The following ERCC6 variants were observed in gnomAD, a reference collection of about 807,000 sequenced individuals.
ERCC6 encodes the protein DNA excision repair protein ERCC-6.
ERCC6 carries 116 observed loss-of-function variants against 158.7 expected under a neutral mutation model. That is an observed-to-expected ratio of 0.73 (90% confidence interval 0.63 to 0.85). ERCC6 has a LOEUF of 0.85. ERCC6 is among the 40% of genes least tolerant of loss of function. ERCC6 has a pLI of 0.00. For missense variants in ERCC6, 1,698 were observed against 1,799.4 expected (o/e 0.94, Z 1.02); for synonymous variants, 678 against 659.3 (o/e 1.03, Z -0.43).
At chr10:49,523,972 T>G in intron 5 of ERCC6, 61 bp downstream of exon 5, 1 of 1,602,384 alleles carries the variant, frequency 6.2e-7, no homozygotes, top group Non-Finnish European at 8.5e-7. Context: ...TACATATTAA[T>G]AAACCTGTCA....
chr10:49,533,738 G>A (rs1400259623), intron 1 of ERCC6, among the ~76,000 whole-genome samples: 4 of 152,214 alleles, frequency 2.6e-5, no homozygotes, highest in Admixed American at 2.6e-4. Flanking sequence ...GGGAGATGGA[G>A]GCTGCAGTGA....
intron 5 of ERCC6, among the ~76,000 whole-genome samples, chr10:49,509,042 C>T (rs1431198949): frequency 6.6e-6 from 1 of 152,154 alleles, no homozygotes; most frequent in Admixed American, 6.5e-5. Context: ...CAGGCCCAGG[C>T]ACAAAAGTCT....
intron 2 of ERCC6, among the ~76,000 whole-genome samples, chr10:49,532,327 T>C (rs1408556646): frequency 6.6e-6 from 1 of 152,160 alleles, no homozygotes; most frequent in East Asian, 1.9e-4. Context: ...TTTCACGAGC[T>C]GGACAGAGAC....
intron 18 of ERCC6, among the ~76,000 whole-genome samples, chr10:49,467,562 G>A (rs1236936259): frequency 1.3e-5 from 2 of 151,892 alleles, no homozygotes; most frequent in African/African-American, 2.4e-5. Context: ...AAAAAATTGG[G>A]TTATACATTT....
chr10:49,493,170 GCCA>G lies in ERCC6; in HGVS notation c.1765_1767del (p.Trp589del), dbSNP rs760919459. 6.2e-6 allele frequency: 10 copies of G among 1,614,066 alleles called. No individual in the cohort carries two copies. The highest frequency in any genetic ancestry group is 5.9e-6 in the Non-Finnish European group (7 of 1,179,992). ...TGTAGAATTGCCACTCTGAACGGAG[GCCA>G]CCACGTGTGAAATTCCTTCACCCAC... On this transcript the variant is annotated inframe_deletion, in exon 8 of 21. Coordinates refer to ENST00000355832, the MANE Select transcript of ERCC6 (RefSeq NM_000124.4).
chr10:49,469,358 T>C (rs1850731865), intron 18 of ERCC6, among the ~76,000 whole-genome samples: 1 of 152,194 alleles, frequency 6.6e-6, no homozygotes, highest in Non-Finnish European at 1.5e-5. Context: ...CGGTATCACC[T>C]CTGTGGCATT....
At chr10:49,467,631 T>C (rs1850700743) in intron 18 of ERCC6, among the ~76,000 whole-genome samples, 1 of 152,142 alleles carries the variant, frequency 6.6e-6, no homozygotes, top group Admixed American at 6.5e-5. Context: ...AGTGGCATGA[T>C]CACAGCTCAC....
At position 49,472,935 on chromosome 10, in the gene ERCC6, CTGGGTCATAGA is replaced by C. The variant is rs751623760; in HGVS notation, c.2792_2802del (p.Ile931ArgfsTer35). ...TGCGTGTCCGTGCTTGGGTTCCAGT[CTGGGTCATAGA>C]TGACAACTCTGTTTGCCCCCGTCAG... On this transcript the variant is annotated frameshift_variant, in exon 15 of 21. Coordinates refer to ENST00000355832, the MANE Select transcript of ERCC6 (RefSeq NM_000124.4). LOFTEE classifies it high-confidence loss of function. 11 of 1,613,898 alleles carry C rather than the reference CTGGGTCATAGA, an allele frequency of 6.8e-6. No homozygotes were observed. Among genetic ancestry groups the C allele is most frequent in the Non-Finnish European group, 8.5e-6 (10 of 1,179,952 alleles).
chr10:49,453,576 T>G (rs1234178445), downstream of ERCC6, among the ~76,000 whole-genome samples: 2 of 152,176 alleles, frequency 1.3e-5, no homozygotes, highest in African/African-American at 4.8e-5. Context: ...AAATATGCAT[T>G]TATGTGACTT....
chr10:49,493,961 CA>C (rs1307927912), intron 7 of ERCC6, among the ~76,000 whole-genome samples: 2 of 152,354 alleles, frequency 1.3e-5, no homozygotes, highest in Middle Eastern at 3.4e-3. Context: ...AGTTCGGCAG[CA>C]AAATCAAGAG....
At chr10:49,472,873 C>G in intron 15 of ERCC6, 36 bp downstream of exon 15, 1 of 1,604,102 alleles carries the variant, frequency 6.2e-7, no homozygotes, top group Non-Finnish European at 8.5e-7. Flanking sequence ...TATATTTCTA[C>G]TAATACATTC....
At chr10:49,526,154 T>C (rs1384821928) in intron 4 of ERCC6, among the ~76,000 whole-genome samples, 1 of 109,944 alleles carries the variant, frequency 9.1e-6, no homozygotes, top group Non-Finnish European at 1.9e-5. Context: ...TATATATATA[T>C]ATATATATCT....
chr10:49,539,101 T>G lies in ERCC6; in HGVS notation c.-154A>C, dbSNP rs544466390. On this transcript the variant is annotated 5_prime_UTR_variant, in exon 1 of 21. Coordinates refer to ENST00000355832, the MANE Select transcript of ERCC6 (RefSeq NM_000124.4). ...CCCCAACAGCGACTCCGACTTCTGCTGGTGCGGGGAGGCCCGTGGCGCATG... is the reference window on the plus strand; with the variant it reads ...CCCCAACAGCGACTCCGACTTCTGCGGGTGCGGGGAGGCCCGTGGCGCATG... 6.6e-6 allele frequency: 1 copy of G among 152,398 alleles called. No individual in the cohort carries two copies. The highest frequency in any genetic ancestry group is 2.4e-5 in the African/African-American group (1 of 41,560). The allele number at this position is 152,398 out of a possible 1,614,324, so 9.4% of individuals were successfully genotyped here.
At chr10:49,499,925 A>C (rs1371642733) in intron 7 of ERCC6, among the ~76,000 whole-genome samples, 1 of 73,336 alleles carries the variant, frequency 1.4e-5, no homozygotes, top group African/African-American at 3.3e-5. Context: ...TTATTACATA[A>C]AGTTCATAGA....
intron 7 of ERCC6, among the ~76,000 whole-genome samples, chr10:49,493,889 GTGTTCTCTCC>G (rs1439588884): frequency 4.6e-5 from 7 of 152,236 alleles, no homozygotes; most frequent in African/African-American, 1.4e-4. Flanking sequence ...ATCCGAGCGA[GTGTTCTCTCC>G]TGGGAAGCCC....
intron 1 of ERCC6, among the ~76,000 whole-genome samples, chr10:49,536,793 G>T (rs1162106476): frequency 1.3e-5 from 2 of 152,186 alleles, no homozygotes; most frequent in Admixed American, 1.3e-4. Context: ...GGTTTTCAGA[G>T]CAGAAATGGT....
At position 49,483,415 on chromosome 10, in the gene ERCC6, G is replaced by C. The variant is rs757815168; in HGVS notation, c.1923C>G (p.His641Gln). Residue 641 changes from histidine (H) to glutamine (Q), a missense_variant, in exon 9 of 21, where the codon CAC becomes CAG. By Grantham distance (24) the His-to-Gln change is conservative. Transcript: ENST00000355832. ...TGTGTCCTTCGTCCAAGATCACATA[G>C]TGCCAGTCATACCTGCTAATGTCAT... The part of the protein sequence containing the change: ...MQDDISRYDW[H>Q]YVILDEGHKI... 6.2e-7 allele frequency: 1 copy of C among 1,614,024 alleles called. No individual in the cohort carries two copies.
Position 49,455,188 on chromosome 10 carries a change from G to A in ERCC6, c.*3627C>T, listed in dbSNP as rs970665984. ...AAACTAAAAATCTATAAAACACCTA[G>A]GAATAAGCCTATTATGAAATGTGCA... On this transcript the variant is annotated 3_prime_UTR_variant, in exon 21 of 21. Coordinates refer to ENST00000355832, the MANE Select transcript of ERCC6 (RefSeq NM_000124.4). Among the ~76,000 whole-genome samples the A allele has an allele frequency of 7.2e-5, 11 of 151,906 alleles. No homozygotes were observed. Among genetic ancestry groups the A allele is most frequent in the Non-Finnish European group, 1.5e-4 (10 of 67,994 alleles).
chr10:49,515,116 C>A, intron 5 of ERCC6: 1 of 1,089,206 alleles, frequency 9.2e-7, no homozygotes, highest in Non-Finnish European at 1.2e-6. Context: ...CATCTTTAAC[C>A]CATTTATGTC....
Sources: gnomAD v4.1 joint callset for allele counts (sites outside exome capture counted in the v4.1 genomes callset) on GRCh38, gnomAD v4.1.1 for gene constraint, MANE v1.5 for transcripts, NCBI Gene and HGNC (gene_info 2026-07-23, HGNC 2026-07-21) for gene names.